The following APAF1 variants were observed in gnomAD, a reference collection of about 807,000 sequenced individuals.
The protein encoded by APAF1 is apoptotic protease-activating factor 1.
In APAF1, 91 loss-of-function variants were observed where a neutral mutation model predicts 152.4. The observed-to-expected ratio is 0.60, with a 90% CI of 0.50 to 0.71. APAF1 has a LOEUF of 0.71. Ranked by LOEUF, APAF1 falls within the 30% of genes least tolerant of loss-of-function variation. APAF1 has a pLI of 0.00. For synonymous variants in APAF1, 484 were observed against 494.1 expected (o/e 0.98, Z 0.27); for missense variants, 1,283 against 1,472.0 (o/e 0.87, Z 2.10).
rs2097764310 is a variant in APAF1 at position 98,732,873 on chromosome 12, A to T, written c.*307A>T. On this transcript the variant is annotated 3_prime_UTR_variant, in exon 27 of 27. Coordinates refer to ENST00000551964, the MANE Select transcript of APAF1 (RefSeq NM_181861.2). ...TGATGCATTCAAAATGGTTGACATA[A>T]TTAATGAGAAGAATTTGGAAGAAAT... The T allele has an allele frequency of 3.1e-6, 1 of 325,564 alleles. No individual in the cohort carries two copies. The highest frequency in any genetic ancestry group is 5.7e-6 in the Non-Finnish European group (1 of 174,542). 20.2% of individuals were successfully genotyped at this position (325,564 alleles called of 1,614,324 possible).
intron 18 of APAF1, among the ~76,000 whole-genome samples, chr12:98,705,592 G>A (rs1431922023): frequency 4.6e-5 from 7 of 152,206 alleles, no homozygotes; most frequent in African/African-American, 7.2e-5. Flanking sequence ...AAAGTGTAAT[G>A]AGAGGAACTC....
intron 12 of APAF1, among the ~76,000 whole-genome samples, chr12:98,673,442 C>CAAAAAAAAAAA (rs1162049645): frequency 5.6e-5 from 5 of 89,156 alleles, no homozygotes; most frequent in African/African-American, 1.3e-4. Context: ...TCTCAAAAAA[C>CAAAAAAAAAAA]AAAAAAAAAA....
chr12:98,694,665 G>GT (rs925992373), intron 16 of APAF1, among the ~76,000 whole-genome samples: 101 of 151,404 alleles, frequency 6.7e-4, no homozygotes, highest in African/African-American at 2.2e-3. Context: ...TAGTAATAGG[G>GT]TTTTTTTTGA....
chr12:98,683,290 G>C lies in APAF1; in HGVS notation c.2178+16G>C. ...CTTCCTCAAAGTAAGTGTGGATATTGAGAATTAGGTAGATAAATTTGATTC... is the reference window on the plus strand; with the variant it reads ...CTTCCTCAAAGTAAGTGTGGATATTCAGAATTAGGTAGATAAATTTGATTC... On this transcript the variant is annotated intron_variant, in intron 15 of 26. Transcript: ENST00000551964. 1 of 1,612,980 alleles carries C rather than the reference G, an allele frequency of 6.2e-7. No homozygotes were observed. Among genetic ancestry groups the C allele is most frequent in the Non-Finnish European group, 8.5e-7 (1 of 1,179,486 alleles).
Position 98,678,906 on chromosome 12 carries a change from A to T in APAF1, c.1920+1355A>T, listed in dbSNP as rs1482087987. 3.9e-5 allele frequency among the ~76,000 whole-genome samples: 6 copies of T among 152,290 alleles called. No individual in the cohort carries two copies. In the East Asian group the frequency reaches 9.7e-4, roughly 25 times the overall value. ...GGGAAGCCAAGGGGGTGCTGAGGGCAGTTTGATACTGGCCTGCAGGCTCCC... is the reference window on the plus strand; with the variant it reads ...GGGAAGCCAAGGGGGTGCTGAGGGCTGTTTGATACTGGCCTGCAGGCTCCC... On this transcript the variant is annotated intron_variant, in intron 13 of 26. Transcript: ENST00000551964.
intron 21 of APAF1, among the ~76,000 whole-genome samples, 171 bp from the exon 22 acceptor site, chr12:98,715,256 A>ATATATATATG (rs2097733118): frequency 8.3e-6 from 1 of 120,918 alleles, no homozygotes; most frequent in Non-Finnish European, 1.8e-5. Context: ...ATATATATAT[A>ATATATATATG]TATATATATA....
At chr12:98,716,360 C>T (rs529080234) in intron 22 of APAF1, among the ~76,000 whole-genome samples, 5 of 152,300 alleles carry the variant, frequency 3.3e-5, no homozygotes, top group Admixed American at 1.3e-4. Flanking sequence ...CCAATTATAA[C>T]GAAATTTTGT....
intron 16 of APAF1, among the ~76,000 whole-genome samples, chr12:98,694,413 A>G (rs1055230472): frequency 2.0e-5 from 3 of 151,746 alleles, no homozygotes; most frequent in Admixed American, 1.3e-4. Flanking sequence ...ATTTCTTCCT[A>G]TTTTCTCTTT....
At chr12:98,686,250 T>C (rs1019561982) in intron 15 of APAF1, among the ~76,000 whole-genome samples, 1 of 152,166 alleles carries the variant, frequency 6.6e-6, no homozygotes, top group Non-Finnish European at 1.5e-5. Flanking sequence ...TCTTATACCA[T>C]TGATTTATTA....
Position 98,723,235 on chromosome 12 carries a change from C to G in APAF1, c.3127C>G (p.His1043Asp), listed in dbSNP as rs1484658397. The change falls in exon 23 of 27, where the codon CAT becomes GAT. Residue 1043 changes from histidine to aspartate, a missense_variant. By Grantham distance (81) the His-to-Asp change is moderately conservative. Coordinates refer to ENST00000551964, the MANE Select transcript of APAF1 (RefSeq NM_181861.2). ...QLDKCIFLRGHQETVKDFRLL... is the reference protein window; with the variant it reads ...QLDKCIFLRGDQETVKDFRLL... Reference sequence around the variant, plus strand: ...GGACAAATGTATCTTTCTACGAGGCCATCAGGAAACAGTGAAAGACTTTAG... The same window carrying G: ...GGACAAATGTATCTTTCTACGAGGCGATCAGGAAACAGTGAAAGACTTTAG... 1 of 1,613,436 alleles carries G rather than the reference C, an allele frequency of 6.2e-7. No individual in the cohort carries two copies.
At chr12:98,732,291 G>A (rs1162429904) in intron 26 of APAF1, 129 bp from the exon 27 acceptor site, 26 of 799,140 alleles carry the variant, frequency 3.3e-5, no homozygotes, top group Middle Eastern at 2.2e-4. Flanking sequence ...CATTAAATCC[G>A]AGACATTTTC....
intron 17 of APAF1, among the ~76,000 whole-genome samples, chr12:98,702,972 A>G (rs2097717258): frequency 6.6e-6 from 1 of 152,192 alleles, no homozygotes; most frequent in Non-Finnish European, 1.5e-5. Context: ...TGACTGAGCT[A>G]ATTTTATTTT....
chr12:98,730,320 T>G (rs954282362), intron 26 of APAF1, among the ~76,000 whole-genome samples: 1 of 152,242 alleles, frequency 6.6e-6, no homozygotes, highest in Non-Finnish European at 1.5e-5. Context: ...CTGTCTGTGT[T>G]GGAAGCTGGG....
intron 20 of APAF1, 89 bp from the exon 21 acceptor site, chr12:98,712,230 A>G: frequency 1.3e-6 from 1 of 785,102 alleles, no homozygotes; most frequent in South Asian, 1.4e-5. Context: ...TCTGTGTTTT[A>G]TTTTATTTTT....
At chr12:98,692,096 T>A (rs1011898203) in intron 16 of APAF1, among the ~76,000 whole-genome samples, 1 of 152,208 alleles carries the variant, frequency 6.6e-6, no homozygotes, top group African/African-American at 2.4e-5. Flanking sequence ...CATTATTATT[T>A]TTTTTAGACA....
rs147330076 is a variant in APAF1 at position 98,655,984 on chromosome 12, C to T, written c.527-3176C>T. Among the ~76,000 whole-genome samples the T allele has an allele frequency of 6.0e-3, 908 of 152,192 alleles. 26 individuals are homozygous for T. The highest frequency in any genetic ancestry group is 0.043 in the Admixed American group (662 of 15,288). ...ATTTTTAGTAGAAACGGGGTTTCAC[C>T]GTGTTAGCCAGGATGGTTTCGATCT... is the stretch of plus-strand genomic sequence containing the variant. On this transcript the variant is annotated intron_variant, in intron 4 of 26. Coordinates refer to ENST00000551964, the MANE Select transcript of APAF1 (RefSeq NM_181861.2).
chr12:98,699,673 G>A lies in APAF1; in HGVS notation c.2466+104G>A, dbSNP rs1024362041. ...TTATTCATAAAAATAAAGTCTAGCTGTGTGATTTTGGGCAGTCTTCCTAAC... is the reference window on the plus strand; with the variant it reads ...TTATTCATAAAAATAAAGTCTAGCTATGTGATTTTGGGCAGTCTTCCTAAC... On this transcript the variant is annotated intron_variant, in intron 17 of 26. Transcript: ENST00000551964. 3.9e-5 allele frequency: 52 copies of A among 1,345,248 alleles called. No individual in the cohort carries two copies. In the Admixed American group the frequency reaches 9.9e-4, roughly 26 times the overall value. 83.3% of individuals were successfully genotyped at this position (1,345,248 alleles called of 1,614,324 possible). A position where few individuals can be genotyped will look rare whatever the true frequency, so the allele number is the denominator to read the frequency against.
intron 16 of APAF1, among the ~76,000 whole-genome samples, chr12:98,694,877 ATT>A (rs200521786): frequency 6.7e-5 from 9 of 133,852 alleles, no homozygotes; most frequent in Admixed American, 7.5e-5. Flanking sequence ...ATCATGAACA[ATT>A]TTTTTTTTTT....
In APAF1 at chr12:98,645,599, C is replaced by T. The variant is rs1421049328; in HGVS notation, c.-278C>T. The T allele has an allele frequency of 6.6e-6, 1 of 152,326 alleles. No homozygotes were observed. Among genetic ancestry groups the T allele is most frequent in the Non-Finnish European group, 1.5e-5 (1 of 68,142 alleles). 9.4% of individuals were successfully genotyped at this position (152,326 alleles called of 1,614,324 possible). Reference sequence around the variant, plus strand: ...CTGCGTTGGGTGGACGCCCACCTCGCCAACCTTCGGAGGTCCCTGGGGGTC... The same window carrying T: ...CTGCGTTGGGTGGACGCCCACCTCGTCAACCTTCGGAGGTCCCTGGGGGTC... On this transcript the variant is annotated 5_prime_UTR_variant, in exon 1 of 27. Coordinates refer to ENST00000551964, the MANE Select transcript of APAF1 (RefSeq NM_181861.2).
Sources: gnomAD v4.1 joint callset for allele counts (sites outside exome capture counted in the v4.1 genomes callset) on GRCh38, gnomAD v4.1.1 for gene constraint, MANE v1.5 for transcripts, NCBI Gene and HGNC (gene_info 2026-07-23, HGNC 2026-07-21) for gene names.